The following VAT1L variants were observed in gnomAD, a reference collection of about 807,000 sequenced individuals.
VAT1L encodes vesicle amine transport 1 like.
Under a neutral mutation model 44.1 loss-of-function variants are expected in VAT1L, and 34 were observed. The observed-to-expected ratio is 0.77, with a 90% CI of 0.59 to 1.03. The LOEUF (loss-of-function observed/expected upper bound fraction) is 1.03, where lower values mean the gene tolerates loss of function less well. Ranked by LOEUF, VAT1L falls within the 50% of genes least tolerant of loss-of-function variation. The probability of loss-of-function intolerance (pLI) is 0.00; values close to 1 mark genes in which losing one functional copy is unlikely to be tolerated. For missense variants in VAT1L, 615 were observed against 538.8 expected (o/e 1.14, Z -1.40); for synonymous variants, 253 against 202.2 (o/e 1.25, Z -2.13).
chr16:77,904,141 TTA>T lies in VAT1L; in HGVS notation c.1077+19341_1077+19342del, dbSNP rs1379430320. On this transcript the variant is annotated intron_variant, in intron 7 of 8. Coordinates refer to ENST00000302536, the MANE Select transcript of VAT1L (RefSeq NM_020927.3). ...CCATCAAAAGAGAAACGCTTCTGTA[TTA>T]TTTTACACCACTCTATCTTATTCTT... is the stretch of plus-strand genomic sequence containing the variant. 2.0e-5 allele frequency among the ~76,000 whole-genome samples: 3 copies of T among 151,956 alleles called. No individual in the cohort carries two copies. In the East Asian group the frequency reaches 5.8e-4, roughly 29 times the overall value.
intron 3 of VAT1L, among the ~76,000 whole-genome samples, chr16:77,838,364 G>A (rs914335934): frequency 3.9e-5 from 6 of 152,182 alleles, no homozygotes; most frequent in African/African-American, 9.6e-5. Context: ...TTTGAGGCGC[G>A]TGGTCTCTGT....
At chr16:77,954,600 G>C (rs1255421490) in intron 7 of VAT1L, among the ~76,000 whole-genome samples, 1 of 152,176 alleles carries the variant, frequency 6.6e-6, no homozygotes, top group Non-Finnish European at 1.5e-5. Context: ...AGTCCAGCCT[G>C]GGCGACAGAG....
At chr16:77,878,212 G>C (rs1169345305) in intron 5 of VAT1L, among the ~76,000 whole-genome samples, 2 of 152,220 alleles carry the variant, frequency 1.3e-5, no homozygotes, top group Non-Finnish European at 2.9e-5. Flanking sequence ...TTATGCTGGT[G>C]TAAGGGTAAT....
At chr16:77,934,122 A>G (rs2017764794) in intron 7 of VAT1L, among the ~76,000 whole-genome samples, 1 of 152,212 alleles carries the variant, frequency 6.6e-6, no homozygotes, top group South Asian at 2.1e-4. Flanking sequence ...GGTAGCCTGG[A>G]TAAGACTGTT....
At chr16:77,798,727 C>A (rs778675958) in intron 1 of VAT1L, among the ~76,000 whole-genome samples, 1 of 152,134 alleles carries the variant, frequency 6.6e-6, no homozygotes, top group Non-Finnish European at 1.5e-5. Context: ...ACAGGATATG[C>A]CACTGTGTCA....
chr16:77,976,408 G>A (rs1332527714), intron 8 of VAT1L, among the ~76,000 whole-genome samples: 1 of 152,194 alleles, frequency 6.6e-6, no homozygotes, highest in African/African-American at 2.4e-5. Flanking sequence ...GGCAGAGGGG[G>A]TAGAGGAATG....
chr16:77,902,738 G>GGGC lies in VAT1L; in HGVS notation c.1077+17938_1077+17939insCGG, dbSNP rs1190283293. On this transcript the variant is annotated intron_variant, in intron 7 of 8. Coordinates refer to ENST00000302536, the MANE Select transcript of VAT1L (RefSeq NM_020927.3). ...TGGGAGGCCGATGGGGGGGTGGGGG[G>GGGC]GGTGTGGATCACCTGAGGTCAGGAG... is the stretch of plus-strand genomic sequence containing the variant. 5.3e-5 allele frequency among the ~76,000 whole-genome samples: 7 copies of GGGC among 132,198 alleles called. 1 individual carries two copies. Among genetic ancestry groups the GGGC allele is most frequent in the African/African-American group, 2.1e-4 (7 of 33,976 alleles). The allele number at this position is 132,198 out of a possible 152,430, so 86.7% of individuals were successfully genotyped here. A position where few individuals can be genotyped will look rare whatever the true frequency, so the allele number is the denominator to read the frequency against.
intron 1 of VAT1L, among the ~76,000 whole-genome samples, chr16:77,812,234 G>A (rs985064599): frequency 2.6e-5 from 4 of 151,884 alleles, no homozygotes; most frequent in African/African-American, 4.8e-5. Flanking sequence ...TATCACGCCC[G>A]GCTAATTTTT....
intron 2 of VAT1L, among the ~76,000 whole-genome samples, chr16:77,818,868 T>C (rs2016400183): frequency 6.6e-6 from 1 of 152,326 alleles, no homozygotes; most frequent in South Asian, 2.1e-4. Context: ...TTCAGTCATA[T>C]TGGAGATGGA....
At chr16:77,812,292 C>T (rs1187404156) in intron 1 of VAT1L, among the ~76,000 whole-genome samples, 2 of 152,080 alleles carry the variant, frequency 1.3e-5, no homozygotes, top group African/African-American at 2.4e-5. Context: ...AGGCTGGTCT[C>T]GAACTCCTGA....
chr16:77,902,265 T>C (rs532412671), intron 7 of VAT1L, among the ~76,000 whole-genome samples: 8 of 152,346 alleles, frequency 5.3e-5, no homozygotes, highest in Admixed American at 3.9e-4. Context: ...TGCATGGTAA[T>C]ATTCATTTCT....
At chr16:77,916,664 T>C (rs889198879) in intron 7 of VAT1L, among the ~76,000 whole-genome samples, 1 of 152,226 alleles carries the variant, frequency 6.6e-6, no homozygotes, top group African/African-American at 2.4e-5. Flanking sequence ...ATTGTTATTT[T>C]GTTATTTTTA....
At chr16:77,820,209 G>A (rs2016428101) in intron 2 of VAT1L, among the ~76,000 whole-genome samples, 1 of 152,082 alleles carries the variant, frequency 6.6e-6, no homozygotes, top group African/African-American at 2.4e-5. Context: ...CCCGCACCTG[G>A]TCAGATTGAA....
At chr16:77,841,852 A>G (rs551523334) in intron 3 of VAT1L, among the ~76,000 whole-genome samples, 1 of 152,202 alleles carries the variant, frequency 6.6e-6, no homozygotes, top group Non-Finnish European at 1.5e-5. Flanking sequence ...CTAAGCCTTT[A>G]TCCATCAGGA....
At chr16:77,892,399 G>T (rs2017276547) in intron 7 of VAT1L, 2 of 413,184 alleles carry the variant, frequency 4.8e-6, no homozygotes, top group South Asian at 1.9e-5. Flanking sequence ...GCATCTCCTG[G>T]CTCTGCAGAC....
At chr16:77,976,957 TTAAG>T (rs1235361870) in intron 8 of VAT1L, among the ~76,000 whole-genome samples, 2 of 152,190 alleles carry the variant, frequency 1.3e-5, no homozygotes, top group Non-Finnish European at 2.9e-5. Flanking sequence ...TCTGCTCTTC[TTAAG>T]TGACAGCATC....
intron 7 of VAT1L, among the ~76,000 whole-genome samples, chr16:77,953,976 G>A (rs970628295): frequency 6.6e-6 from 1 of 152,060 alleles, no homozygotes; most frequent in Admixed American, 6.6e-5. Flanking sequence ...CATGAACTGT[G>A]GGTTGCTCTT....
chr16:77,885,341 A>G (rs1178230667), intron 7 of VAT1L, among the ~76,000 whole-genome samples: 2 of 152,186 alleles, frequency 1.3e-5, no homozygotes, highest in Admixed American at 1.3e-4. Context: ...GCATTCCTTG[A>G]TCACAAGAAC....
At chr16:77,874,906 C>A (rs1246488042) in intron 4 of VAT1L, among the ~76,000 whole-genome samples, 1 of 147,980 alleles carries the variant, frequency 6.8e-6, no homozygotes, top group Admixed American at 6.7e-5. Flanking sequence ...CAGTAATTCT[C>A]AGAGCGTGGA....
Sources: allele counts gnomAD v4.1 joint callset (sites outside exome capture counted in the v4.1 genomes callset), GRCh38; gene constraint gnomAD v4.1.1; transcripts MANE v1.5; gene names NCBI Gene and HGNC (gene_info 2026-07-23, HGNC 2026-07-21).